PREP: variants seen among roughly 807,000 people sequenced by gnomAD.
The protein encoded by PREP is prolyl endopeptidase, also known as dJ355L5.1 (prolyl endopeptidase).
A neutral mutation model predicts 87.6 loss-of-function variants in PREP; 29 were observed. That is an observed-to-expected ratio of 0.33 (90% CI 0.25 to 0.45). PREP has a LOEUF of 0.45. Among genes scored for constraint, PREP ranks in the 20% least tolerant of loss-of-function variants. PREP has a pLI of 1.00. For missense variants in PREP, 695 were observed against 886.5 expected, an observed-to-expected ratio of 0.78 and a Z score of 2.74; for synonymous variants, 337 against 328.6, an observed-to-expected ratio of 1.03 and a Z score of -0.28.
intron 8 of PREP, among the ~76,000 whole-genome samples, chr6:105,331,877 G>A (rs1437842910): frequency 2.0e-5 from 3 of 152,130 alleles, no homozygotes; most frequent in Non-Finnish European, 4.4e-5. Context: ...CTATGGGAGG[G>A]TGACAAGATT....
chr6:105,390,665 C>A (rs1163980526), intron 2 of PREP, among the ~76,000 whole-genome samples: 3 of 152,122 alleles, frequency 2.0e-5, no homozygotes, highest in Non-Finnish European at 4.4e-5. Context: ...GGTGAAGACA[C>A]AATAAGATGG....
intron 9 of PREP, among the ~76,000 whole-genome samples, chr6:105,326,835 G>A (rs1771172598): frequency 6.6e-6 from 1 of 152,186 alleles, no homozygotes; most frequent in East Asian, 1.9e-4. Flanking sequence ...GACAGACAAA[G>A]CTTGGTCAGA....
intron 10 of PREP, chr6:105,322,193 C>G: frequency 1.6e-6 from 1 of 639,718 alleles, no homozygotes; most frequent in Non-Finnish European, 1.9e-6. Flanking sequence ...GGGCTACAGG[C>G]CCCTACAGGA....
intron 2 of PREP, among the ~76,000 whole-genome samples, chr6:105,392,356 C>T (rs1773174942): frequency 6.6e-6 from 1 of 152,020 alleles, no homozygotes; most frequent in African/African-American, 2.4e-5. Context: ...TTTTTAGGGA[C>T]TGCAAACCTC....
Position 105,276,687 on chromosome 6 carries a change from C to A in PREP, c.*1457G>T, listed in dbSNP as rs1769938697. ...TACTCAATGACAACTGTATTATGTA[C>A]CGTACTAAATAGTAACGGAAAACAT... On this transcript the variant is annotated 3_prime_UTR_variant, in exon 15 of 15. Coordinates refer to ENST00000652536, the MANE Select transcript of PREP (RefSeq NM_002726.5). Among the ~76,000 whole-genome samples, 1 of 152,134 alleles carries A rather than the reference C, an allele frequency of 6.6e-6. No homozygotes were observed. Among genetic ancestry groups the A allele is most frequent in the Admixed American group, 6.5e-5 (1 of 15,270 alleles).
At chr6:105,316,935 T>G (rs1770887836) in intron 10 of PREP, among the ~76,000 whole-genome samples, 1 of 151,748 alleles carries the variant, frequency 6.6e-6, no homozygotes, top group East Asian at 1.9e-4. Context: ...AGCTTAGGGA[T>G]TTAGAGGCCA....
At chr6:105,358,410 G>A (rs1772158054) in intron 6 of PREP, among the ~76,000 whole-genome samples, 1 of 152,050 alleles carries the variant, frequency 6.6e-6, no homozygotes, top group South Asian at 2.1e-4. Context: ...AATATAATTA[G>A]AAAATATTAA....
At chr6:105,367,182 T>G (rs983949170) in intron 6 of PREP, among the ~76,000 whole-genome samples, 4 of 152,206 alleles carry the variant, frequency 2.6e-5, no homozygotes, top group Non-Finnish European at 5.9e-5. Context: ...GGTAGCATAT[T>G]TATCTTAATC....
chr6:105,353,005 A>G lies in PREP; in HGVS notation c.790T>C (p.Cys264Arg). 6.2e-7 allele frequency: 1 copy of G among 1,614,128 alleles called. No homozygotes were observed. Among genetic ancestry groups the G allele is most frequent in the Non-Finnish European group, 8.5e-7 (1 of 1,179,964 alleles). ...CCACTGGATTCCTGCTGTAGGTCACAGTACCAGAGTCGGTTTACTGGATCA... is the reference window on the plus strand; with the variant it reads ...CCACTGGATTCCTGCTGTAGGTCACGGTACCAGAGTCGGTTTACTGGATCA... ...GCDPVNRLWY[C>R]DLQQESSGIA... The change falls in exon 7 of 15, where the codon TGT becomes CGT. Residue 264 changes from cysteine to arginine, a missense_variant. Around this residue, in one of 5 missense-constraint regions of PREP, gnomAD observed 517 missense variants for 620.3 expected, o/e 0.83. Coordinates refer to ENST00000652536, the MANE Select transcript of PREP (RefSeq NM_002726.5).
chr6:105,322,035 G>C (rs923034799), intron 10 of PREP, among the ~76,000 whole-genome samples: 3 of 151,968 alleles, frequency 2.0e-5, no homozygotes, highest in Admixed American at 6.6e-5. Context: ...AAGGCCCTGA[G>C]AAAACCAAAT....
At chr6:105,338,571 A>C (rs1562205817) in intron 7 of PREP, among the ~76,000 whole-genome samples, 3 of 152,224 alleles carry the variant, frequency 2.0e-5, no homozygotes, top group Non-Finnish European at 2.9e-5. Context: ...ATTGAGCATG[A>C]GCCGAAGCAG....
chr6:105,329,379 CT>C (rs143725420), intron 8 of PREP, among the ~76,000 whole-genome samples: 42 of 152,304 alleles, frequency 2.8e-4, no homozygotes, highest in African/African-American at 9.4e-4. Flanking sequence ...TCTTGAACTC[CT>C]GGCCTCAAGA....
At chr6:105,326,930 G>GT in intron 9 of PREP, among the ~76,000 whole-genome samples, 1 of 152,284 alleles carries the variant, frequency 6.6e-6, no homozygotes, top group Non-Finnish European at 1.5e-5. Context: ...ACAGTCACGG[G>GT]TAATATTTCA....
At chr6:105,373,725 G>C (rs1772617363) in intron 4 of PREP, 147 bp from the exon 5 acceptor site, 1 of 809,026 alleles carries the variant, frequency 1.2e-6, no homozygotes, top group African/African-American at 1.7e-5. Context: ...GGAATCCCGG[G>C]GGCTCAGCCC....
chr6:105,281,668 C>A, intron 14 of PREP, 78 bp downstream of exon 14: 1 of 1,510,722 alleles, frequency 6.6e-7, no homozygotes, highest in South Asian at 1.3e-5. Flanking sequence ...TGACAAAGCT[C>A]AAGCACTAAT....
intron 10 of PREP, among the ~76,000 whole-genome samples, chr6:105,309,813 C>A (rs563122740): frequency 4.2e-4 from 64 of 152,290 alleles, no homozygotes; most frequent in African/African-American, 1.5e-3. Flanking sequence ...CTCTCTTCCC[C>A]TTCTCAAGGG....
intron 6 of PREP, among the ~76,000 whole-genome samples, chr6:105,359,235 G>C (rs1297318047): frequency 6.6e-6 from 1 of 152,160 alleles, no homozygotes; most frequent in African/African-American, 2.4e-5. Flanking sequence ...GCTCAGGTGG[G>C]AGAGACAGAT....
At chr6:105,396,713 C>T (rs768091798) in intron 2 of PREP, among the ~76,000 whole-genome samples, 11 of 150,970 alleles carry the variant, frequency 7.3e-5, no homozygotes, top group East Asian at 1.9e-4. Flanking sequence ...AAATGGGAAA[C>T]GTACCCTGCA....
intron 2 of PREP, among the ~76,000 whole-genome samples, chr6:105,387,636 A>C (rs1773035462): frequency 6.7e-6 from 1 of 148,568 alleles, no homozygotes; most frequent in Non-Finnish European, 1.5e-5. Flanking sequence ...AAAGAAAAAA[A>C]GAAAAAGAAA....
Sources: gnomAD v4.1 joint callset for allele counts (sites outside exome capture counted in the v4.1 genomes callset) on GRCh38, gnomAD v4.1.1 for gene constraint, gnomAD v4.1.1 regional missense constraint, MANE v1.5 for transcripts, NCBI Gene and HGNC (gene_info 2026-07-23, HGNC 2026-07-21) for gene names.